The following ERCC8 variants were observed in gnomAD, a reference collection of about 807,000 sequenced individuals.
ERCC8 encodes ERCC excision repair 8, CSA ubiquitin ligase complex subunit.
Under a neutral mutation model 54.9 loss-of-function variants are expected in ERCC8, and 52 were observed. The ratio of observed to expected loss-of-function variants is 0.95; its 90% CI spans 0.76 to 1.19. The LOEUF (loss-of-function observed/expected upper bound fraction) is 1.19. Ranked by LOEUF, ERCC8 falls within the 50% of genes most tolerant of loss-of-function variation. The pLI is 0.00. For synonymous variants in ERCC8, 146 were observed against 157.2 expected (o/e 0.93, Z 0.53); for missense variants, 514 against 466.1 (o/e 1.10, Z -0.95).
In ERCC8 at chr5:60,873,200, G is replaced by T. The variant is rs1390519535; in HGVS notation, c.*1415C>A. ...AAAATGGTAACCATGTGAGGCATAT[G>T]TCAGTTAGCTAGATTTAGTCATTCT... On this transcript the variant is annotated 3_prime_UTR_variant, in exon 12 of 12. Transcript: ENST00000676185. 1.3e-5 allele frequency among the ~76,000 whole-genome samples: 2 copies of T among 152,176 alleles called. No individual in the cohort carries two copies. Among genetic ancestry groups the T allele is most frequent in the Non-Finnish European group, 2.9e-5 (2 of 68,026 alleles).
At chr5:60,889,946 T>C (rs1748500810) in intron 10 of ERCC8, among the ~76,000 whole-genome samples, 1 of 152,076 alleles carries the variant, frequency 6.6e-6, no homozygotes, top group Non-Finnish European at 1.5e-5. Context: ...GGTCCCCTTT[T>C]AGTTGCTGCG....
At chr5:60,941,749 T>A (rs753690038) in intron 1 of ERCC8, among the ~76,000 whole-genome samples, 1 of 152,142 alleles carries the variant, frequency 6.6e-6, no homozygotes, top group Non-Finnish European at 1.5e-5. Context: ...CCATTAGACC[T>A]ACTCTAAAAA....
At position 60,873,883 on chromosome 5, in the gene ERCC8, C is replaced by T. The variant is rs1424797063; in HGVS notation, c.*732G>A. 14 of 152,074 alleles carry T rather than the reference C, an allele frequency of 9.2e-5. No homozygotes were observed. The highest frequency in any genetic ancestry group is 1.5e-4 in the Non-Finnish European group (10 of 68,034). 9.4% of individuals were successfully genotyped at this position (152,074 alleles called of 1,614,324 possible). Reference sequence around the variant, plus strand: ...CAGCATTTCATGTTTAAGCCAGATTCCCTGCCAGGATATTTTCTGCTTGAA... The same window carrying T: ...CAGCATTTCATGTTTAAGCCAGATTTCCTGCCAGGATATTTTCTGCTTGAA... On this transcript the variant is annotated 3_prime_UTR_variant, in exon 12 of 12. Transcript: ENST00000676185.
chr5:60,899,922 A>G (rs1433015935), intron 7 of ERCC8, among the ~76,000 whole-genome samples, 195 bp from the exon 8 acceptor site: 1 of 151,988 alleles, frequency 6.6e-6, no homozygotes, highest in Non-Finnish European at 1.5e-5. Context: ...GTGAGTAAAT[A>G]GCAAAAAAAA....
intron 7 of ERCC8, among the ~76,000 whole-genome samples, chr5:60,901,407 C>T (rs1469605852): frequency 6.6e-6 from 1 of 151,972 alleles, no homozygotes; most frequent in Non-Finnish European, 1.5e-5. Flanking sequence ...CAACAGGGAG[C>T]AAGTGCCCAG....
chr5:60,918,226 A>T, intron 4 of ERCC8, 39 bp downstream of exon 4: 1 of 1,492,604 alleles, frequency 6.7e-7, no homozygotes, highest in South Asian at 1.1e-5. Context: ...ATTCTCCTTT[A>T]TCCTACAAAG....
rs4647124 is a variant in ERCC8 at position 60,891,505 on chromosome 5, T to G, written c.844-419A>C. ...TTCTTTTCAAAAGAATAATATTTTTTGGGGGGTGTATATTATATACTCCCA... is the reference window on the plus strand; with the variant it reads ...TTCTTTTCAAAAGAATAATATTTTTGGGGGGGTGTATATTATATACTCCCA... On this transcript the variant is annotated intron_variant, in intron 9 of 11. Coordinates refer to ENST00000676185, the MANE Select transcript of ERCC8 (RefSeq NM_000082.4). 1.8e-4 allele frequency among the ~76,000 whole-genome samples: 27 copies of G among 152,170 alleles called. No individual in the cohort carries two copies. The East Asian group carries it at 2.5e-3, about 14-fold the overall frequency.
At position 60,909,292 on chromosome 5, in the gene ERCC8, C is replaced by T. The variant is rs932971166; in HGVS notation, c.400-4419G>A. Among the ~76,000 whole-genome samples the T allele has an allele frequency of 1.8e-4, 18 of 101,876 alleles. 1 individual carries two copies. In the Admixed American group the frequency reaches 2.0e-3, roughly 12 times the overall value. 66.8% of individuals were successfully genotyped at this position (101,876 alleles called of 152,430 possible). A position where few individuals can be genotyped will look rare whatever the true frequency, so the allele number is the denominator to read the frequency against. The stretch of plus-strand genomic sequence containing the variant: ...AAAAAAAAAAAAGCCACAAAGGACT[C>T]TTATGACATGGACCCTTCAATGATA... On this transcript the variant is annotated intron_variant, in intron 4 of 11. Transcript: ENST00000676185.
intron 11 of ERCC8, among the ~76,000 whole-genome samples, chr5:60,884,509 A>G (rs1748337143): frequency 1.5e-5 from 2 of 132,640 alleles, no homozygotes; most frequent in African/African-American, 5.5e-5. Flanking sequence ...ATGTGTATGT[A>G]TATGTGTGTA....
chr5:60,868,098 T>C lies in ERCC8; in HGVS notation c.*6517A>G, dbSNP rs1034531866. Among the ~76,000 whole-genome samples, 1 of 152,194 alleles carries C rather than the reference T, an allele frequency of 6.6e-6. No homozygotes were observed. Among genetic ancestry groups the C allele is most frequent in the Non-Finnish European group, 1.5e-5 (1 of 68,028 alleles). ...GGGAGGCTGAGGCAGGAGAATCGCT[T>C]GAACCCAGGAGGCGGAGGTTGCGGT... On this transcript the variant is annotated 3_prime_UTR_variant, in exon 12 of 12. Transcript: ENST00000676185.
At chr5:60,883,467 G>A (rs184813752) in intron 11 of ERCC8, among the ~76,000 whole-genome samples, 1 of 152,096 alleles carries the variant, frequency 6.6e-6, no homozygotes, top group Non-Finnish European at 1.5e-5. Flanking sequence ...ATCTCACCAG[G>A]TTGTCAATTC....
chr5:60,944,639 A>G (rs1166800625), intron 1 of ERCC8, among the ~76,000 whole-genome samples: 1 of 152,094 alleles, frequency 6.6e-6, no homozygotes, highest in East Asian at 1.9e-4. Context: ...TTAAGAGAGA[A>G]GGAATACAGT....
At chr5:60,894,587 G>A (rs1748669036) in intron 9 of ERCC8, among the ~76,000 whole-genome samples, 1 of 150,904 alleles carries the variant, frequency 6.6e-6, no homozygotes, top group African/African-American at 2.5e-5. Context: ...GGTGTAGTGT[G>A]CAGGCTCAGC....
Position 60,885,040 on chromosome 5 carries a change from T to TGACTATA in ERCC8, c.1122+2399_1122+2400insTATAGTC, listed in dbSNP as rs1479627870. Among the ~76,000 whole-genome samples the TGACTATA allele has an allele frequency of 8.5e-3, 1,289 of 151,958 alleles. 24 individuals carry two copies. The highest frequency in any genetic ancestry group is 0.029 in the African/African-American group (1,219 of 41,344). On this transcript the variant is annotated intron_variant, in intron 11 of 11. Coordinates refer to ENST00000676185, the MANE Select transcript of ERCC8 (RefSeq NM_000082.4). The stretch of plus-strand genomic sequence containing the variant: ...TTTTTTTTTTTCCTTTGAGTCAAGA[T>TGACTATA]CTCACTCTGTCACCCAGGCTGGAGT...
At chr5:60,913,740 A>T (rs1749343509) in intron 4 of ERCC8, among the ~76,000 whole-genome samples, 1 of 151,980 alleles carries the variant, frequency 6.6e-6, no homozygotes, top group South Asian at 2.1e-4. Context: ...AGTGCTATAA[A>T]TTTCCCTCTA....
chr5:60,868,547 T>C lies in ERCC8; in HGVS notation c.*6068A>G, dbSNP rs1048459473. ...GTTGGTGCAAAAGTAATTGCAGTTT[T>C]TGTGATTACTTTTAATAAAAACAAA... On this transcript the variant is annotated 3_prime_UTR_variant, in exon 12 of 12. Transcript: ENST00000676185. Among the ~76,000 whole-genome samples, 1 of 152,190 alleles carries C rather than the reference T, an allele frequency of 6.6e-6. No individual in the cohort carries two copies. Among genetic ancestry groups the C allele is most frequent in the Non-Finnish European group, 1.5e-5 (1 of 68,026 alleles).
At chr5:60,944,368 A>G (rs1302534883) in intron 1 of ERCC8, among the ~76,000 whole-genome samples, 2 of 152,124 alleles carry the variant, frequency 1.3e-5, no homozygotes, top group Non-Finnish European at 2.9e-5. Flanking sequence ...AGAAAACAAA[A>G]TGCAATAGCT....
At chr5:60,901,617 C>A (rs747670539) in intron 7 of ERCC8, among the ~76,000 whole-genome samples, 13 of 152,114 alleles carry the variant, frequency 8.5e-5, no homozygotes, top group Non-Finnish European at 1.0e-4. Flanking sequence ...TAACTGTATT[C>A]ATGTCCACCT....
At chr5:60,914,873 C>A (rs1010879065) in intron 4 of ERCC8, among the ~76,000 whole-genome samples, 5 of 151,422 alleles carry the variant, frequency 3.3e-5, no homozygotes, top group Admixed American at 6.6e-5. Flanking sequence ...AGTTTTCCCC[C>A]TTCATTCTAT....
Sources: gnomAD v4.1 joint callset for allele counts (sites outside exome capture counted in the v4.1 genomes callset) on GRCh38, gnomAD v4.1.1 for gene constraint, MANE v1.5 for transcripts, NCBI Gene and HGNC (gene_info 2026-07-23, HGNC 2026-07-21) for gene names.